The following SLC25A44 variants were observed in gnomAD, a reference collection of about 807,000 sequenced individuals.
SLC25A44 encodes the protein solute carrier family 25 member 44.
A neutral mutation model predicts 29.9 loss-of-function variants in SLC25A44; 17 were observed. The observed-to-expected ratio is 0.57, with a 90% CI of 0.39 to 0.85. The LOEUF is 0.85. Among genes scored for constraint, SLC25A44 ranks in the 40% least tolerant of loss-of-function variants. The pLI, the probability that SLC25A44 is intolerant of heterozygous loss-of-function variation, is 0.00. For missense variants in SLC25A44, 302 were observed against 398.4 expected, an observed-to-expected ratio of 0.76 and a Z score of 2.06; for synonymous variants, 140 against 151.8, an observed-to-expected ratio of 0.92 and a Z score of 0.57.
intron 2 of SLC25A44, among the ~76,000 whole-genome samples, chr1:156,201,918 C>A (rs1656609058): frequency 6.6e-6 from 1 of 152,202 alleles, no homozygotes; most frequent in Non-Finnish European, 1.5e-5. Flanking sequence ...ATCTCTACTT[C>A]CATTCTCAGA....
At chr1:156,195,165 G>C (rs1394443151) in intron 1 of SLC25A44, among the ~76,000 whole-genome samples, 4 of 150,816 alleles carry the variant, frequency 2.7e-5, no homozygotes, top group African/African-American at 9.8e-5. Context: ...GGGCAGTGGC[G>C]CAATCTCGGC....
intron 1 of SLC25A44, 141 bp from the exon 2 acceptor site, chr1:156,199,694 G>C (rs1656427804): frequency 1.5e-6 from 1 of 660,600 alleles, no homozygotes; most frequent in African/African-American, 1.8e-5. Flanking sequence ...GACAGAGCCA[G>C]ATTGGGTGGA....
intron 2 of SLC25A44, 80 bp from the exon 3 acceptor site, chr1:156,207,806 C>G (rs1657048727): frequency 6.4e-7 from 1 of 1,551,704 alleles, no homozygotes; most frequent in African/African-American, 1.4e-5. Flanking sequence ...GGGAAAGCCA[C>G]CTGGTAGAAG....
At chr1:156,195,556 A>AG (rs148930523) in intron 1 of SLC25A44, among the ~76,000 whole-genome samples, 417 of 152,334 alleles carry the variant, frequency 2.7e-3, no homozygotes, top group African/African-American at 9.6e-3. Context: ...GTGGATATGG[A>AG]GGAAGATGCG....
chr1:156,210,270 T>C lies in SLC25A44; in HGVS notation c.784T>C (p.Phe262Leu). 6.3e-7 allele frequency: 1 copy of C among 1,581,618 alleles called. No individual in the cohort carries two copies. The highest frequency in any genetic ancestry group is 8.6e-7 in the Non-Finnish European group (1 of 1,164,538). Residue 262 changes from phenylalanine (F) to leucine (L), a missense_variant, in exon 4 of 4, where the codon TTC becomes CTC. Physicochemically the swap from Phe to Leu is conservative, Grantham distance 22 (BLOSUM62 0). Transcript: ENST00000359511. ...GGGCAAGAACTCCATCATCCTGACC[T>C]TCAGACAGCTGATGGCAGAAGAAGG... ...VEGKNSIILT[F>L]RQLMAEEGPW...
At position 156,207,998 on chromosome 1, in the gene SLC25A44, A is replaced by C. The variant is rs35498542; in HGVS notation, c.738A>C (p.Ile246=). 8,818 of 1,614,038 alleles carry C rather than the reference A, an allele frequency of 5.5e-3. 326 individuals are homozygous for C. The African/African-American group carries it at 0.094, about 17-fold the overall frequency. The change falls in exon 3 of 4, where the codon ATA becomes ATC. Residue 246 remains isoleucine (I), a synonymous_variant. Transcript: ENST00000359511. ...ASILTNPMDV[I]RTRVQVEGKN... The stretch of plus-strand genomic sequence containing the variant: ...TCCTCACCAATCCCATGGATGTCAT[A>C]CGAACCCGTGTGCAGGTAAGACTGA...
Position 156,210,608 on chromosome 1 carries a change from G to A in SLC25A44, c.*177G>A, listed in dbSNP as rs1018973745. ...ACTGCTCTTGCTGAAGAGGCTCCACGCCTGGATCCCTTGCCCCCACTATTT... is the reference window on the plus strand; with the variant it reads ...ACTGCTCTTGCTGAAGAGGCTCCACACCTGGATCCCTTGCCCCCACTATTT... On this transcript the variant is annotated 3_prime_UTR_variant, in exon 4 of 4. Coordinates refer to ENST00000359511, the MANE Select transcript of SLC25A44 (RefSeq NM_014655.4). 1.2e-5 allele frequency: 5 copies of A among 418,730 alleles called. No individual in the cohort carries two copies. Among genetic ancestry groups the A allele is most frequent in the South Asian group, 6.8e-5 (1 of 14,632 alleles). 25.9% of individuals were successfully genotyped at this position (418,730 alleles called of 1,614,324 possible).
chr1:156,199,748 G>A, intron 1 of SLC25A44, 87 bp from the exon 2 acceptor site: 1 of 1,183,316 alleles, frequency 8.5e-7, no homozygotes, highest in East Asian at 2.3e-5. Context: ...TGAGGGCTGA[G>A]AATGGGCCTT....
At chr1:156,201,093 C>T (rs1032682308) in intron 2 of SLC25A44, among the ~76,000 whole-genome samples, 2 of 151,978 alleles carry the variant, frequency 1.3e-5, no homozygotes, top group African/African-American at 2.4e-5. Context: ...CTCGGCCTCC[C>T]AAAGTGCTGG....
At chr1:156,199,544 G>A in intron 1 of SLC25A44, 1 of 402,786 alleles carries the variant, frequency 2.5e-6, no homozygotes, top group Non-Finnish European at 4.5e-6. Flanking sequence ...GGGGTAGGGA[G>A]CCGAGGAGGC....
intron 1 of SLC25A44, chr1:156,196,975 A>G (rs1243526085): frequency 1.3e-5 from 2 of 152,238 alleles, no homozygotes; most frequent in Non-Finnish European, 2.9e-5. Flanking sequence ...TGCCTCTTCC[A>G]TTGACCAGCT....
chr1:156,207,177 CA>C (rs1305861052), intron 2 of SLC25A44, among the ~76,000 whole-genome samples: 9 of 142,928 alleles, frequency 6.3e-5, no homozygotes, highest in Non-Finnish European at 1.4e-4. Context: ...CTATACAAAA[CA>C]TTTTTTTTTT....
chr1:156,195,555 G>A (rs1656164803), intron 1 of SLC25A44, among the ~76,000 whole-genome samples: 1 of 152,194 alleles, frequency 6.6e-6, no homozygotes, highest in Admixed American at 6.5e-5. Context: ...AGTGGATATG[G>A]AGGAAGATGC....
chr1:156,200,903 T>G (rs1371651330), intron 2 of SLC25A44, among the ~76,000 whole-genome samples: 2 of 149,644 alleles, frequency 1.3e-5, no homozygotes, highest in Non-Finnish European at 3.0e-5. Context: ...TGGTGAGATC[T>G]TGGCTCACTG....
chr1:156,196,111 G>A (rs190379902), intron 1 of SLC25A44: 3 of 152,372 alleles, frequency 2.0e-5, no homozygotes, highest in African/African-American at 7.2e-5. Context: ...CTGAGAAAGA[G>A]CCCTAAAGAA....
intron 2 of SLC25A44, among the ~76,000 whole-genome samples, chr1:156,204,274 TG>T (rs1175553598): frequency 6.7e-6 from 1 of 150,236 alleles, no homozygotes; most frequent in African/African-American, 2.5e-5. Context: ...CCCAAAGTGC[TG>T]GGATTACAGG....
chr1:156,197,306 A>AAC (rs1656272094), intron 1 of SLC25A44: 2 of 152,180 alleles, frequency 1.3e-5, no homozygotes, highest in South Asian at 4.1e-4. Flanking sequence ...GTGGCATATC[A>AAC]TTGTTCTAGG....
intron 2 of SLC25A44, among the ~76,000 whole-genome samples, chr1:156,206,663 GCTGGGA>G (rs1410391028): frequency 6.6e-6 from 1 of 152,196 alleles, no homozygotes; most frequent in South Asian, 2.1e-4. Context: ...CTTCCAAGTT[GCTGGGA>G]CTACAGGCCC....
intron 2 of SLC25A44, among the ~76,000 whole-genome samples, chr1:156,204,010 CT>C (rs1026823654): frequency 2.2e-3 from 274 of 125,850 alleles, no homozygotes; most frequent in Non-Finnish European, 2.1e-3. Flanking sequence ...GGCCCTTCTT[CT>C]TTTTTTTTTT....
Sources: gnomAD v4.1 joint callset for allele counts (sites outside exome capture counted in the v4.1 genomes callset) on GRCh38, gnomAD v4.1.1 for gene constraint, MANE v1.5 for transcripts, NCBI Gene and HGNC (gene_info 2026-07-23, HGNC 2026-07-21) for gene names.